Variants in PLXNC1 observed in about 807,000 individuals in gnomAD.
PLXNC1 encodes plexin C1.
Under a neutral mutation model 178.2 loss-of-function variants are expected in PLXNC1, and 75 were observed. That is an observed-to-expected ratio of 0.42 (90% confidence interval 0.35 to 0.51). PLXNC1 has a LOEUF of 0.51. Ranked by LOEUF, PLXNC1 falls within the 20% of genes least tolerant of loss-of-function variation. The pLI is 0.02. For missense variants in PLXNC1, 1,503 were observed against 1,984.4 expected (o/e 0.76, Z 4.61); for synonymous variants, 790 against 779.9 (o/e 1.01, Z -0.22).
At chr12:94,226,371 G>T in intron 7 of PLXNC1, 1 of 457,270 alleles carries the variant, frequency 2.2e-6, no homozygotes, top group Non-Finnish European at 4.0e-6. Context: ...CTACAGACCA[G>T]CAGGTGACCC....
Position 94,279,483 on chromosome 12 carries a change from C to A in PLXNC1, c.3609C>A (p.Val1203=). The A allele has an allele frequency of 6.2e-7, 1 of 1,613,082 alleles. No homozygotes were observed. Among genetic ancestry groups the A allele is most frequent in the Admixed American group, 1.7e-5 (1 of 59,902 alleles). ...TTGTACTCTTGCAGGCATTAAACGT[C>A]GTCTTTGAAAAAATCCCGGAAAACG... ...VPEFSTVALN[V]VFEKIPENES... is the part of the protein sequence containing the mutation. Residue 1203 remains valine (V), a synonymous_variant, in exon 22 of 31, where the codon GTC becomes GTA. Transcript: ENST00000258526.
chr12:94,297,065 C>G, intron 24 of PLXNC1, 124 bp from the exon 25 acceptor site: 4 of 869,254 alleles, frequency 4.6e-6, no homozygotes, highest in Non-Finnish European at 7.5e-6. Context: ...ATGGAGAGCT[C>G]AAGTCAAAAA....
At chr12:94,162,156 A>T (rs1961407289) in intron 1 of PLXNC1, among the ~76,000 whole-genome samples, 1 of 152,212 alleles carries the variant, frequency 6.6e-6, no homozygotes, top group Admixed American at 6.5e-5. Context: ...CAGAATAAAA[A>T]CTGAGGTAGG....
chr12:94,238,413 A>G (rs898697347), intron 10 of PLXNC1, among the ~76,000 whole-genome samples: 1 of 152,086 alleles, frequency 6.6e-6, no homozygotes, highest in Non-Finnish European at 1.5e-5. Flanking sequence ...TCCCAAACTC[A>G]TCACATCGGT....
At chr12:94,303,416 A>G (rs975636036) in intron 28 of PLXNC1, among the ~76,000 whole-genome samples, 1 of 152,224 alleles carries the variant, frequency 6.6e-6, no homozygotes, top group Non-Finnish European at 1.5e-5. Flanking sequence ...GCTTTTTACA[A>G]CCATTAGTAA....
chr12:94,176,549 A>G (rs1368173082), intron 2 of PLXNC1: 1 of 152,196 alleles, frequency 6.6e-6, no homozygotes, highest in Non-Finnish European at 1.5e-5. Context: ...GCAAAAAGAA[A>G]AACAATTTGA....
At chr12:94,180,092 C>T (rs991356180) in intron 2 of PLXNC1, among the ~76,000 whole-genome samples, 1 of 152,170 alleles carries the variant, frequency 6.6e-6, no homozygotes, top group African/African-American at 2.4e-5. Flanking sequence ...TTACCATCTC[C>T]TCTTGCTCCT....
intron 1 of PLXNC1, among the ~76,000 whole-genome samples, chr12:94,165,920 G>T (rs1961590943): frequency 6.6e-6 from 1 of 151,996 alleles, no homozygotes; most frequent in African/African-American, 2.4e-5. Flanking sequence ...TTCTCCTCAA[G>T]AGGCTTCTGT....
rs370603626 is a variant in PLXNC1 at position 94,295,257 on chromosome 12, C to G, written c.3934+717C>G. On this transcript the variant is annotated intron_variant, in intron 24 of 30. Transcript: ENST00000258526. ...CACTATTAGAAGGAGCAGGGAGCAT[C>G]TGGCCAGTGCAAACAGGGAATGTGG... 3.7e-4 allele frequency among the ~76,000 whole-genome samples: 57 copies of G among 152,336 alleles called. 1 individual carries two copies. The highest frequency in any genetic ancestry group is 1.1e-3 in the African/African-American group (47 of 41,572).
At chr12:94,300,015 G>T (rs11107499) in intron 27 of PLXNC1, among the ~76,000 whole-genome samples, 34,528 of 152,076 alleles carry the variant, frequency 0.23, 4,238 homozygotes, top group South Asian at 0.29. Flanking sequence ...GGGAGGTAAT[G>T]AGCTAGGCCA....
intron 2 of PLXNC1, among the ~76,000 whole-genome samples, chr12:94,177,117 A>ATG (rs1239498028): frequency 2.0e-5 from 2 of 97,870 alleles, no homozygotes; most frequent in Admixed American, 1.1e-4. Context: ...GTGTGTATAT[A>ATG]TGTGTGTGTG....
rs373150754 is a variant in PLXNC1, at chr12:94,166,764, C to A, written c.1063-2389C>A. ...TTGATTTAATGGCTGCACCACTTAC[C>A]CATGCTACTTTTTTTTTTTTAAGGT... is the stretch of plus-strand genomic sequence containing the variant. On this transcript the variant is annotated intron_variant, in intron 1 of 30. Coordinates refer to ENST00000258526, the MANE Select transcript of PLXNC1 (RefSeq NM_005761.3). Among the ~76,000 whole-genome samples the A allele has an allele frequency of 1.6e-4, 25 of 151,878 alleles. No homozygotes were observed. In the East Asian group the frequency reaches 4.5e-3, roughly 27 times the overall value.
chr12:94,174,441 G>C (rs1001146937), intron 2 of PLXNC1, among the ~76,000 whole-genome samples: 2 of 152,112 alleles, frequency 1.3e-5, no homozygotes, highest in Admixed American at 6.5e-5. Flanking sequence ...GCCTTCCAAA[G>C]AGCTGGGATT....
At chr12:94,193,719 G>A (rs1962809736) in intron 4 of PLXNC1, among the ~76,000 whole-genome samples, 1 of 152,190 alleles carries the variant, frequency 6.6e-6, no homozygotes, top group South Asian at 2.1e-4. Context: ...GCAGTGGGGT[G>A]AGTTATTGCA....
intron 9 of PLXNC1, among the ~76,000 whole-genome samples, chr12:94,231,770 T>C (rs1356384621): frequency 6.6e-6 from 1 of 152,176 alleles, no homozygotes; most frequent in Non-Finnish European, 1.5e-5. Context: ...TCTGTTTCTT[T>C]CCACATATCT....
At chr12:94,236,042 T>G (rs558173728) in intron 9 of PLXNC1, among the ~76,000 whole-genome samples, 10 of 152,284 alleles carry the variant, frequency 6.6e-5, no homozygotes, top group African/African-American at 2.4e-4. Flanking sequence ...TCTTGAAGGC[T>G]TTGCTAATCC....
chr12:94,297,070 C>A, intron 24 of PLXNC1, 119 bp from the exon 25 acceptor site: 1 of 936,776 alleles, frequency 1.1e-6, no homozygotes, highest in Non-Finnish European at 1.7e-6. Flanking sequence ...GAGCTCAAGT[C>A]AAAAAGCTCA....
chr12:94,152,188 A>AT (rs759387177), intron 1 of PLXNC1, among the ~76,000 whole-genome samples: 80 of 150,612 alleles, frequency 5.3e-4, no homozygotes, highest in Non-Finnish European at 8.7e-4. Flanking sequence ...GGAGCTTTGC[A>AT]TTTTTTTTTC....
intron 12 of PLXNC1, among the ~76,000 whole-genome samples, chr12:94,247,279 T>C (rs1232519522): frequency 6.6e-6 from 1 of 152,184 alleles, no homozygotes; most frequent in African/African-American, 2.4e-5. Flanking sequence ...GTTTTCAGTT[T>C]TCATGCTCTT....
Sources: allele counts gnomAD v4.1 joint callset (sites outside exome capture counted in the v4.1 genomes callset), GRCh38; gene constraint gnomAD v4.1.1; transcripts MANE v1.5; gene names NCBI Gene and HGNC (gene_info 2026-07-23, HGNC 2026-07-21).